PRKCA: variants seen among roughly 807,000 people sequenced by gnomAD.
PRKCA encodes the protein protein kinase C alpha.
A neutral mutation model predicts 87.0 loss-of-function variants in PRKCA; 27 were observed. The ratio of observed to expected loss-of-function variants is 0.31; its 90% CI spans 0.23 to 0.43. The LOEUF is 0.43. PRKCA is among the 20% of genes least tolerant of loss of function. PRKCA has a pLI of 1.00. For missense variants in PRKCA, 518 were observed against 852.3 expected, an observed-to-expected ratio of 0.61 and a Z score of 4.88; for synonymous variants, 329 against 311.1, an observed-to-expected ratio of 1.06 and a Z score of -0.61.
At chr17:66,731,345 G>A (rs1298067971) in intron 8 of PRKCA, among the ~76,000 whole-genome samples, 18 of 90,340 alleles carry the variant, frequency 2.0e-4, no homozygotes, top group Admixed American at 6.1e-4. Context: ...GCAAAACTCC[G>A]TCTCAGAAAA....
intron 2 of PRKCA, among the ~76,000 whole-genome samples, chr17:66,470,417 G>A (rs1016638451): frequency 6.6e-6 from 1 of 150,536 alleles, no homozygotes; most frequent in South Asian, 2.1e-4. Flanking sequence ...TAGTAGAAAC[G>A]GGGTTTCACC....
chr17:66,461,877 GA>G lies in PRKCA; in HGVS notation c.206-34323del, dbSNP rs1434973143. Reference sequence around the variant, plus strand: ...ACTGGGGTTCCTAACTATCGAGGAGGAGACTGGGGTTCCTAACTACCGAGGA... The same window carrying G: ...ACTGGGGTTCCTAACTATCGAGGAGGGACTGGGGTTCCTAACTACCGAGGA... On this transcript the variant is annotated intron_variant, in intron 2 of 16. Transcript: ENST00000413366. Among the ~76,000 whole-genome samples, 3 of 123,562 alleles carry G rather than the reference GA, an allele frequency of 2.4e-5. No homozygotes were observed. The East Asian group carries it at 5.8e-4, about 24-fold the overall frequency. The allele number at this position is 123,562 out of a possible 152,430, so 81.1% of individuals were successfully genotyped here.
intron 8 of PRKCA, chr17:66,703,264 A>G (rs1973105928): frequency 1.3e-5 from 2 of 152,108 alleles, no homozygotes; most frequent in Admixed American, 6.5e-5. Flanking sequence ...TCCTTATTCT[A>G]TGTCTATTTA....
At chr17:66,763,738 T>C (rs1015407816) in intron 13 of PRKCA, among the ~76,000 whole-genome samples, 7 of 152,172 alleles carry the variant, frequency 4.6e-5, no homozygotes, top group Admixed American at 1.3e-4. Context: ...TTATTTAAGA[T>C]TGGGCTCTAG....
intron 3 of PRKCA, among the ~76,000 whole-genome samples, chr17:66,560,878 C>T (rs953080390): frequency 1.3e-5 from 2 of 152,198 alleles, no homozygotes; most frequent in Admixed American, 1.3e-4. Flanking sequence ...GGCCTGTCCA[C>T]CCTTGCCTTT....
chr17:66,641,592 CT>C (rs1265385885), intron 4 of PRKCA, 126 bp downstream of exon 4: 1 of 518,944 alleles, frequency 1.9e-6, no homozygotes, highest in Non-Finnish European at 3.4e-6. Context: ...GTTCAGATAT[CT>C]ACCAGACTGA....
intron 2 of PRKCA, among the ~76,000 whole-genome samples, chr17:66,485,489 A>G (rs939221353): frequency 6.6e-6 from 1 of 152,270 alleles, no homozygotes; most frequent in Non-Finnish European, 1.5e-5. Flanking sequence ...CTCATTCTTC[A>G]TTTGCATTAC....
chr17:66,646,993 T>C (rs1378217224), intron 5 of PRKCA, among the ~76,000 whole-genome samples: 1 of 152,212 alleles, frequency 6.6e-6, no homozygotes, highest in Non-Finnish European at 1.5e-5. Flanking sequence ...GGGCTGTGAT[T>C]GTCACCTGCA....
chr17:66,365,806 C>A (rs117524772), intron 2 of PRKCA, among the ~76,000 whole-genome samples: 2,796 of 152,262 alleles, frequency 0.018, 41 homozygotes, highest in Non-Finnish European at 0.028. Context: ...ATGCCAAAGG[C>A]TCACATAAAT....
chr17:66,782,159 A>C (rs1263181749), intron 14 of PRKCA, among the ~76,000 whole-genome samples: 2 of 151,840 alleles, frequency 1.3e-5, no homozygotes, highest in Non-Finnish European at 2.9e-5. Flanking sequence ...TGATCTGCCC[A>C]CCTCGGCCTC....
At position 66,424,556 on chromosome 17, in the gene PRKCA, G is replaced by A. The variant is rs117833685; in HGVS notation, c.206-71645G>A. 1.3e-3 allele frequency among the ~76,000 whole-genome samples: 74 copies of A among 55,476 alleles called. 1 individual carries two copies. The East Asian group carries it at 0.04, about 30-fold the overall frequency. The allele number at this position is 55,476 out of a possible 152,430, so 36.4% of individuals were successfully genotyped here. On this transcript the variant is annotated intron_variant, in intron 2 of 16. Transcript: ENST00000413366. ...CACTATAGCCGAGGCAGCAGAGCAC[G>A]ACCCTGTCTCAAACACACACACACA...
intron 2 of PRKCA, among the ~76,000 whole-genome samples, chr17:66,374,377 G>T (rs2143550827): frequency 6.6e-6 from 1 of 152,256 alleles, no homozygotes; most frequent in South Asian, 2.1e-4. Context: ...GAGACTGTTG[G>T]TTGAGGGCCC....
Position 66,562,038 on chromosome 17 carries a change from AT to A in PRKCA, c.288+65758del, listed in dbSNP as rs1205331682. On this transcript the variant is annotated intron_variant, in intron 3 of 16. Coordinates refer to ENST00000413366, the MANE Select transcript of PRKCA (RefSeq NM_002737.3). ...CACTTAAAAATGGTTAAAGTGGTCA[AT>A]TTAATTATATATATAATTAAATATA... Among the ~76,000 whole-genome samples the A allele has an allele frequency of 4.1e-5, 6 of 145,970 alleles. No individual in the cohort carries two copies. The East Asian group carries it at 1.2e-3, about 29-fold the overall frequency.
intron 3 of PRKCA, among the ~76,000 whole-genome samples, chr17:66,586,973 A>G (rs1969615083): frequency 6.6e-6 from 1 of 151,960 alleles, no homozygotes; most frequent in Non-Finnish European, 1.5e-5. Flanking sequence ...TTTAACTTTT[A>G]TTGCCGCCAT....
At chr17:66,383,167 T>C (rs1363708997) in intron 2 of PRKCA, among the ~76,000 whole-genome samples, 2 of 152,216 alleles carry the variant, frequency 1.3e-5, no homozygotes, top group Non-Finnish European at 2.9e-5. Context: ...TGAATAACTT[T>C]GTGTATTTGG....
At chr17:66,364,331 A>C (rs1358650865) in intron 2 of PRKCA, 1 of 152,246 alleles carries the variant, frequency 6.6e-6, no homozygotes, top group Non-Finnish European at 1.5e-5. Context: ...ATCAATCAGT[A>C]AATTCATTTA....
intron 2 of PRKCA, among the ~76,000 whole-genome samples, chr17:66,377,064 C>T (rs1004194252): frequency 2.0e-4 from 30 of 151,968 alleles, no homozygotes; most frequent in African/African-American, 5.3e-4. Context: ...TCACTCTTGT[C>T]GCCCAGGCTG....
intron 8 of PRKCA, among the ~76,000 whole-genome samples, chr17:66,693,797 C>T (rs964288778): frequency 8.5e-5 from 13 of 152,184 alleles, no homozygotes; most frequent in African/African-American, 3.1e-4. Context: ...TCAAAAGCAG[C>T]CACAAATACA....
chr17:66,624,419 G>C (rs1970784532), intron 3 of PRKCA, among the ~76,000 whole-genome samples: 1 of 152,184 alleles, frequency 6.6e-6, no homozygotes, highest in Non-Finnish European at 1.5e-5. Context: ...TCATAGACTT[G>C]AACAAATCAG....
Sources: allele counts gnomAD v4.1 joint callset (sites outside exome capture counted in the v4.1 genomes callset), GRCh38; gene constraint gnomAD v4.1.1; transcripts MANE v1.5; gene names NCBI Gene and HGNC (gene_info 2026-07-23, HGNC 2026-07-21).